The following DMD variants were observed in gnomAD, a reference collection of about 807,000 sequenced individuals.
DMD encodes mutant dystrophin.
A neutral mutation model predicts 330.1 loss-of-function variants in DMD; 63 were observed. The observed-to-expected ratio is 0.19, with a 90% CI of 0.16 to 0.24. The LOEUF (loss-of-function observed/expected upper bound fraction) is 0.24, where lower values mean the gene tolerates loss of function less well. DMD is among the 10% of genes least tolerant of loss of function. DMD has a pLI of 1.00. For synonymous variants in DMD, 1,223 were observed against 959.8 expected (o/e 1.27, Z -5.07); for missense variants, 3,344 against 2,684.1 (o/e 1.25, Z -5.43).
At chrX:32,921,571 A>C (rs1208555155) in intron 2 of DMD, among the ~76,000 whole-genome samples, 1 of 111,659 alleles carries the variant, frequency 9.0e-6, no homozygotes, top group Non-Finnish European at 1.9e-5. Flanking sequence ...ATGTATGTAC[A>C]GCAGATATCT....
At chrX:32,637,027 T>A (rs1435138670) in intron 11 of DMD, among the ~76,000 whole-genome samples, 2 of 110,684 alleles carry the variant, frequency 1.8e-5, no homozygotes, top group Non-Finnish European at 3.8e-5. Flanking sequence ...AGAAAAAGAT[T>A]CTTGTGGCAA....
chrX:32,614,577 T>C (rs1199787959), intron 11 of DMD, 124 bp from the exon 12 acceptor site: 3 of 575,344 alleles, frequency 5.2e-6, no homozygotes, highest in Admixed American at 3.0e-5. Context: ...CTATTGGACA[T>C]TGAGAAGGAT....
chrX:32,332,083 T>C (rs1315190343), intron 41 of DMD, among the ~76,000 whole-genome samples: 5 of 111,881 alleles, frequency 4.5e-5, no homozygotes, highest in African/African-American at 1.6e-4. Context: ...TCTATCGATT[T>C]AATGATTAGT....
At chrX:32,427,725 G>A (rs1020909480) in intron 29 of DMD, among the ~76,000 whole-genome samples, 19 of 110,804 alleles carry the variant, frequency 1.7e-4, no homozygotes, top group Admixed American at 4.8e-4. Flanking sequence ...TTCCTAGAAA[G>A]TGTGTTCAAA....
chrX:32,827,303 G>A (rs1476220267), intron 4 of DMD, among the ~76,000 whole-genome samples: 1 of 111,285 alleles, frequency 9.0e-6, no homozygotes, highest in Non-Finnish European at 1.9e-5. Flanking sequence ...AGATTGGAAT[G>A]AAGAAAAGTA....
intron 7 of DMD, among the ~76,000 whole-genome samples, chrX:32,723,045 C>A (rs1264036378): frequency 9.0e-6 from 1 of 111,016 alleles, no homozygotes; most frequent in Non-Finnish European, 1.9e-5. Context: ...ACCCCACAAC[C>A]ACCGTTGATC....
intron 29 of DMD, among the ~76,000 whole-genome samples, chrX:32,429,182 AT>A (rs1157306533): frequency 4.3e-4 from 31 of 71,905 alleles, no homozygotes; most frequent in South Asian, 1.2e-3. Context: ...CTACAGATGT[AT>A]TTTTTTTTTC....
intron 41 of DMD, among the ~76,000 whole-genome samples, chrX:32,315,634 G>A (rs376047046): frequency 2.7e-5 from 3 of 111,427 alleles, no homozygotes; most frequent in African/African-American, 9.8e-5. Context: ...AAGATCCAGT[G>A]TTAATCATAG....
chrX:31,917,564 G>T (rs759769771), intron 47 of DMD, among the ~76,000 whole-genome samples: 3 of 112,348 alleles, frequency 2.7e-5, no homozygotes, highest in Non-Finnish European at 5.6e-5. Flanking sequence ...AGCATAAACT[G>T]CCAGGATTGC....
chrX:32,410,017 T>C (rs2098135170), intron 30 of DMD, among the ~76,000 whole-genome samples: 1 of 111,704 alleles, frequency 9.0e-6, no homozygotes, highest in South Asian at 3.7e-4. Context: ...ACCTTTTTCA[T>C]TATGACTCAA....
rs745782818 is a variant in DMD at position 31,323,584 on chromosome X, T to C, written c.9224+14A>G. 8.4e-7 allele frequency: 1 copy of C among 1,193,269 alleles called. No individual in the cohort carries two copies. Among genetic ancestry groups the C allele is most frequent in the East Asian group, 3.0e-5 (1 of 33,783 alleles). On this transcript the variant is annotated intron_variant, in intron 62 of 78. Transcript: ENST00000357033. ...AATAAATGCTCTTTTAAAAATGTGA[T>C]ACTTCCAACTTACTTGATATAGTAG...
chrX:33,290,621 C>A (rs955479491), intron 1 of DMD, among the ~76,000 whole-genome samples: 3 of 111,152 alleles, frequency 2.7e-5, no homozygotes, highest in Middle Eastern at 4.8e-3. Flanking sequence ...GCTATACAAG[C>A]CAGAAAACAT....
chrX:32,446,177 C>T lies in DMD; in HGVS notation c.3786+2279G>A, dbSNP rs189133877. Among the ~76,000 whole-genome samples, 32 of 110,615 alleles carry T rather than the reference C, an allele frequency of 2.9e-4. No homozygotes were observed. The East Asian group carries it at 7.4e-3, about 26-fold the overall frequency. ...CAATGCAGAACCACTAAAGAAATAA[C>T]GTATCTGTTCTAATTAACACACCAG... On this transcript the variant is annotated intron_variant, in intron 27 of 78. Coordinates refer to ENST00000357033, the MANE Select transcript of DMD (RefSeq NM_004006.3).
At chrX:32,596,435 C>T (rs2149267780) in intron 12 of DMD, among the ~76,000 whole-genome samples, 1 of 111,833 alleles carries the variant, frequency 8.9e-6, no homozygotes, top group Non-Finnish European at 1.9e-5. Flanking sequence ...ATTCAATAAC[C>T]ATTTGTTATA....
chrX:32,078,693 G>C (rs2096370686), intron 44 of DMD, among the ~76,000 whole-genome samples: 1 of 111,720 alleles, frequency 9.0e-6, no homozygotes, highest in Admixed American at 9.5e-5. Flanking sequence ...GTTATTATAG[G>C]AGATCAATAT....
rs908657471 is a variant in DMD, at chrX:31,874,461, A to G, written c.7098+727T>C. 8.9e-5 allele frequency among the ~76,000 whole-genome samples: 10 copies of G among 111,747 alleles called. No individual in the cohort carries two copies. In the South Asian group the frequency reaches 1.5e-3, roughly 17 times the overall value. ...TCAATTTTGGATAAGGAATCTATGA[A>G]TATGTATTAAGCACAATTAAAACAG... is the stretch of plus-strand genomic sequence containing the variant. On this transcript the variant is annotated intron_variant, in intron 48 of 78. Transcript: ENST00000357033.
intron 63 of DMD, among the ~76,000 whole-genome samples, chrX:31,256,713 A>G (rs1308209022): frequency 9.5e-6 from 1 of 105,459 alleles, no homozygotes; most frequent in Non-Finnish European, 1.9e-5. Context: ...AGGGTCCTTA[A>G]GTATAAATTA....
At chrX:31,685,184 G>A (rs927657479) in intron 52 of DMD, among the ~76,000 whole-genome samples, 6 of 110,902 alleles carry the variant, frequency 5.4e-5, no homozygotes, top group Admixed American at 3.9e-4. Flanking sequence ...ATTATTCTGT[G>A]AGCCTTATGG....
intron 21 of DMD, among the ~76,000 whole-genome samples, chrX:32,479,311 C>A (rs1387430294): frequency 9.0e-6 from 1 of 110,624 alleles, no homozygotes; most frequent in Admixed American, 9.7e-5. Context: ...TATTCTTTTA[C>A]CAATTTTGAA....
Sources: allele counts gnomAD v4.1 joint callset (sites outside exome capture counted in the v4.1 genomes callset), GRCh38; gene constraint gnomAD v4.1.1; transcripts MANE v1.5; gene names NCBI Gene and HGNC (gene_info 2026-07-23, HGNC 2026-07-21).